PLEKHD1: variants seen among roughly 807,000 people sequenced by gnomAD.
PLEKHD1 encodes the protein pleckstrin homology and coiled-coil domain containing D1.
PLEKHD1 carries 51 observed loss-of-function variants against 69.2 expected under a neutral mutation model. The observed-to-expected ratio is 0.74, with a 90% CI of 0.59 to 0.93. The LOEUF (loss-of-function observed/expected upper bound fraction) is 0.93. PLEKHD1 is among the 40% of genes least tolerant of loss of function. The pLI is 0.00. For synonymous variants in PLEKHD1, 236 were observed against 244.7 expected (o/e 0.96, Z 0.33); for missense variants, 584 against 641.0 (o/e 0.91, Z 0.96).
At chr14:69,511,158 T>G (rs890747699) in intron 6 of PLEKHD1, among the ~76,000 whole-genome samples, 1 of 151,472 alleles carries the variant, frequency 6.6e-6, no homozygotes, top group Non-Finnish European at 1.5e-5. Context: ...TTTGTTTGTT[T>G]GTTGTTTGTT....
Position 69,527,203 on chromosome 14 carries a change from C to T in PLEKHD1, c.1072C>T (p.Arg358Cys), listed in dbSNP as rs1283162161. 24 of 1,549,280 alleles carry T rather than the reference C, an allele frequency of 1.5e-5. No individual in the cohort carries two copies. The highest frequency in any genetic ancestry group is 4.8e-5 in the South Asian group (4 of 83,676). The change falls in exon 11 of 13, where the codon CGC (arginine) becomes TGC (cysteine). Residue 358 changes from arginine to cysteine, a missense_variant. Transcript: ENST00000322564. Reference sequence around the variant, plus strand: ...TCAACCTCAGGCTGAGGTGAAGGTCCGCATGGACCTGGAGAGGCGTCTCCG... The same window carrying T: ...TCAACCTCAGGCTGAGGTGAAGGTCTGCATGGACCTGGAGAGGCGTCTCCG... ...ERELKAEVKVRMDLERRLREA... is the reference protein window; with the variant it reads ...ERELKAEVKVCMDLERRLREA...
chr14:69,511,603 G>T (rs1257786427), intron 6 of PLEKHD1, among the ~76,000 whole-genome samples: 1 of 151,920 alleles, frequency 6.6e-6, no homozygotes, highest in Non-Finnish European at 1.5e-5. Context: ...AGGCTGGAGT[G>T]CAGTGGCACC....
chr14:69,529,522 C>A lies in PLEKHD1; in HGVS notation c.*1103C>A, dbSNP rs1365743855. ...CTGAGATTGTGCCACTGCACTCCAGCCAGGGTAACAGAGCAAGACCCTGTC... is the reference window on the plus strand; with the variant it reads ...CTGAGATTGTGCCACTGCACTCCAGACAGGGTAACAGAGCAAGACCCTGTC... On this transcript the variant is annotated 3_prime_UTR_variant, in exon 13 of 13. Coordinates refer to ENST00000322564, the MANE Select transcript of PLEKHD1 (RefSeq NM_001161498.2). 6.5e-6 allele frequency: 1 copy of A among 153,664 alleles called. No individual in the cohort carries two copies. Among genetic ancestry groups the A allele is most frequent in the African/African-American group, 2.4e-5 (1 of 41,458 alleles). The allele number at this position is 153,664 out of a possible 1,614,324, so 9.5% of individuals were successfully genotyped here. A position where few individuals can be genotyped will look rare whatever the true frequency, so the allele number is the denominator to read the frequency against.
rs952338763 is a variant in PLEKHD1 at position 69,522,292 on chromosome 14, C to T, written c.565C>T (p.Arg189Cys). Residue 189 changes from arginine (R) to cysteine (C), a missense_variant, in exon 7 of 13, where the codon CGC (arginine) becomes TGC (cysteine). By Grantham distance (180) the Arg-to-Cys change is radical. Coordinates refer to ENST00000322564, the MANE Select transcript of PLEKHD1 (RefSeq NM_001161498.2). Reference sequence around the variant, plus strand: ...TCTCTGGTCTCTTCAGGAGCTTGAGCGCCTTAACCAGGTGCTGGAGGCCGA... The same window carrying T: ...TCTCTGGTCTCTTCAGGAGCTTGAGTGCCTTAACCAGGTGCTGGAGGCCGA... ...LQREQREELERLNQVLEAEKQ... is the reference protein window; with the variant it reads ...LQREQREELECLNQVLEAEKQ... The T allele has an allele frequency of 3.4e-5, 53 of 1,551,290 alleles. No homozygotes were observed. Among genetic ancestry groups the T allele is most frequent in the Middle Eastern group, 1.7e-4 (1 of 6,012 alleles).
rs1326291352 is a variant in PLEKHD1 at position 69,526,734 on chromosome 14, G to C, written c.961G>C (p.Glu321Gln). ...ENEERSRALE[E>Q]EREFYSSQSQ... ...CGAGGAGCGCTCACGGGCCCTGGAG[G>C]AGGAGCGTGAGTTCTACTCCAGCCA... The change falls in exon 10 of 13, where the codon GAG becomes CAG. Residue 321 changes from glutamate (E) to glutamine (Q), a missense_variant. Physicochemically the swap from Glu to Gln is conservative, Grantham distance 29. Coordinates refer to ENST00000322564, the MANE Select transcript of PLEKHD1 (RefSeq NM_001161498.2). 3 of 1,547,252 alleles carry C rather than the reference G, an allele frequency of 1.9e-6. No homozygotes were observed. The highest frequency in any genetic ancestry group is 4.0e-5 in the Admixed American group (2 of 50,342).
intron 9 of PLEKHD1, among the ~76,000 whole-genome samples, 197 bp from the exon 10 acceptor site, chr14:69,526,500 A>T (rs1359504777): frequency 1.3e-5 from 2 of 151,726 alleles, no homozygotes; most frequent in African/African-American, 4.8e-5. Context: ...CAGTCTTCTG[A>T]CTCTAAACCT....
Position 69,519,736 on chromosome 14 carries a change from C to T in PLEKHD1, c.556-2547C>T, listed in dbSNP as rs555175534. ...TTTCAACTACAAAAGGATATCCCAG[C>T]GTAATATCAAGTAACGGGAAATGTT... On this transcript the variant is annotated intron_variant, in intron 6 of 12. Coordinates refer to ENST00000322564, the MANE Select transcript of PLEKHD1 (RefSeq NM_001161498.2). 3.3e-5 allele frequency among the ~76,000 whole-genome samples: 5 copies of T among 152,242 alleles called. No homozygotes were observed. The South Asian group carries it at 6.2e-4, about 19-fold the overall frequency.
chr14:69,490,500 C>T (rs1449309436), intron 1 of PLEKHD1, among the ~76,000 whole-genome samples: 1 of 152,164 alleles, frequency 6.6e-6, no homozygotes, highest in Non-Finnish European at 1.5e-5. Flanking sequence ...GGTACTGGTC[C>T]AGGGCCCAGG....
upstream of PLEKHD1, among the ~76,000 whole-genome samples, chr14:69,480,379 G>T (rs61982426): frequency 6.6e-6 from 1 of 152,166 alleles, no homozygotes. Flanking sequence ...AGCCAGAGTC[G>T]CAGCATTCCT....
chr14:69,523,252 A>G (rs1248528702), intron 7 of PLEKHD1, among the ~76,000 whole-genome samples: 1 of 152,278 alleles, frequency 6.6e-6, no homozygotes, highest in East Asian at 1.9e-4. Flanking sequence ...TATATTTTTT[A>G]AAAACACCCC....
intron 6 of PLEKHD1, among the ~76,000 whole-genome samples, chr14:69,517,537 A>G (rs1013329691): frequency 3.9e-5 from 6 of 151,926 alleles, no homozygotes; most frequent in Non-Finnish European, 8.8e-5. Context: ...CAGGCGCAGC[A>G]CTCTCTGAAC....
intron 3 of PLEKHD1, 33 bp from the exon 4 acceptor site, chr14:69,500,838 C>A: frequency 6.4e-7 from 1 of 1,551,056 alleles, no homozygotes; most frequent in East Asian, 2.4e-5. Flanking sequence ...GTGGCTGCCT[C>A]TCAGGCATGC....
chr14:69,484,665 G>T (rs1050866088), upstream of PLEKHD1: 12 of 294,408 alleles, frequency 4.1e-5, no homozygotes, highest in Admixed American at 3.7e-4. Context: ...CGCCGGGGGG[G>T]TGGGTGGCTA....
rs184833397 is a variant in PLEKHD1, at chr14:69,531,446, T to C, written c.*3027T>C. On this transcript the variant is annotated 3_prime_UTR_variant, in exon 13 of 13. Transcript: ENST00000322564. ...AGCAACATCTCTATATCAAAATACG[T>C]AGGAGTGGAAATTACTTAGTGGAGA... 3 of 152,220 alleles carry C rather than the reference T, an allele frequency of 2.0e-5. No homozygotes were observed. The highest frequency in any genetic ancestry group is 4.4e-5 in the Non-Finnish European group (3 of 68,038). The allele number at this position is 152,220 out of a possible 1,614,324, so 9.4% of individuals were successfully genotyped here. A position where few individuals can be genotyped will look rare whatever the true frequency, so the allele number is the denominator to read the frequency against.
At chr14:69,480,556 A>G (rs976769083), upstream of PLEKHD1, among the ~76,000 whole-genome samples, 1 of 152,170 alleles carries the variant, frequency 6.6e-6, no homozygotes, top group Non-Finnish European at 1.5e-5. Flanking sequence ...TCCAATAACG[A>G]TGACTCCAGG....
At position 69,500,565 on chromosome 14, in the gene PLEKHD1, G is replaced by A. The variant is rs755621376; in HGVS notation, c.244-12G>A. ...GGTGGGGTGGGGGCTGCCTGTTCTG[G>A]TTCTTCCTCAGGGCGTCATCCCTCT... is the stretch of plus-strand genomic sequence containing the variant. On this transcript the variant is annotated splice_polypyrimidine_tract_variant and intron_variant, in intron 2 of 12. Transcript: ENST00000322564. The A allele has an allele frequency of 5.1e-5, 78 of 1,544,140 alleles. No homozygotes were observed. The highest frequency in any genetic ancestry group is 3.4e-4 in the Middle Eastern group (2 of 5,944).
intron 5 of PLEKHD1, 80 bp from the exon 6 acceptor site, chr14:69,502,747 C>G: frequency 1.3e-6 from 2 of 1,536,554 alleles, no homozygotes; most frequent in Non-Finnish European, 1.8e-6. Flanking sequence ...CAGCGACCAC[C>G]TCAGGCACCA....
chr14:69,488,569 A>G (rs142191515), intron 1 of PLEKHD1, among the ~76,000 whole-genome samples: 4 of 152,186 alleles, frequency 2.6e-5, no homozygotes, highest in East Asian at 1.9e-4. Flanking sequence ...TCTATTCTTC[A>G]AACTTCTACC....
intron 11 of PLEKHD1, 89 bp from the exon 12 acceptor site, chr14:69,527,694 C>G: frequency 6.9e-7 from 1 of 1,456,296 alleles, no homozygotes; most frequent in Non-Finnish European, 9.3e-7. Flanking sequence ...ATTTCCCACT[C>G]AATCTCACCA....
Sources: gnomAD v4.1 joint callset for allele counts (sites outside exome capture counted in the v4.1 genomes callset) on GRCh38, gnomAD v4.1.1 for gene constraint, MANE v1.5 for transcripts, NCBI Gene and HGNC (gene_info 2026-07-23, HGNC 2026-07-21) for gene names.